RBMS3: variants seen among roughly 807,000 people sequenced by gnomAD.
RBMS3 encodes RNA binding motif single stranded interacting protein 3.
RBMS3 carries 27 observed loss-of-function variants against 66.8 expected under a neutral mutation model. The observed-to-expected ratio is 0.40, with a 90% CI of 0.30 to 0.56. RBMS3 has a LOEUF of 0.56. Among genes scored for constraint, RBMS3 ranks in the 20% least tolerant of loss-of-function variants. The pLI is 0.40. For missense variants in RBMS3, 513 were observed against 549.5 expected (o/e 0.93, Z 0.66); for synonymous variants, 188 against 183.0 (o/e 1.03, Z -0.22).
At chr3:29,688,437 C>T (rs2051829598) in intron 4 of RBMS3, among the ~76,000 whole-genome samples, 1 of 152,084 alleles carries the variant, frequency 6.6e-6, no homozygotes, top group South Asian at 2.1e-4. Flanking sequence ...TTCATACACT[C>T]TCATCATCCA....
At chr3:29,840,788 GT>G (rs921659300) in intron 6 of RBMS3, among the ~76,000 whole-genome samples, 6 of 151,500 alleles carry the variant, frequency 4.0e-5, no homozygotes, top group African/African-American at 9.7e-5. Flanking sequence ...TTGCTTTCAG[GT>G]TTTTTTTCTA....
chr3:29,430,076 G>T (rs2041120712), intron 1 of RBMS3, among the ~76,000 whole-genome samples: 1 of 151,958 alleles, frequency 6.6e-6, no homozygotes, highest in Non-Finnish European at 1.5e-5. Flanking sequence ...GGCATTCCGG[G>T]AACTTTCTGC....
intron 6 of RBMS3, among the ~76,000 whole-genome samples, chr3:29,831,692 T>C (rs1383368805): frequency 1.3e-5 from 2 of 152,110 alleles, no homozygotes; most frequent in Non-Finnish European, 2.9e-5. Context: ...CAGAAATGTT[T>C]GGCAAATCTG....
chr3:29,510,879 A>C (rs1258711510), intron 3 of RBMS3, among the ~76,000 whole-genome samples: 3 of 152,286 alleles, frequency 2.0e-5, no homozygotes, highest in East Asian at 3.9e-4. Flanking sequence ...TTGTGTGCCC[A>C]CTCTGTGCTA....
chr3:29,541,937 A>G (rs1384590047), intron 3 of RBMS3, among the ~76,000 whole-genome samples: 1 of 152,118 alleles, frequency 6.6e-6, no homozygotes, highest in African/African-American at 2.4e-5. Context: ...TTTTCCTCAC[A>G]GTGAGTCCTC....
chr3:29,974,618 T>C (rs1164701894), intron 12 of RBMS3, among the ~76,000 whole-genome samples: 2 of 151,412 alleles, frequency 1.3e-5, no homozygotes. Context: ...CACAAAAGTA[T>C]AAAAAAATCC....
rs76515903 is a variant in RBMS3, at chr3:29,944,083, C to G, written c.1051-124C>G. ...GAGGAATCCTAATGCCTTTACTGCT[C>G]TAAGGCAGGGTGGGTCAGGCAACCA... On this transcript the variant is annotated intron_variant, in intron 11 of 14. Transcript: ENST00000383767. 1,012 of 753,720 alleles carry G rather than the reference C, an allele frequency of 1.3e-3. 12 individuals are homozygous for G. In the African/African-American group the frequency reaches 0.014, roughly 10 times the overall value. 46.7% of individuals were successfully genotyped at this position (753,720 alleles called of 1,614,324 possible).
chr3:29,976,092 G>A lies in RBMS3; in HGVS notation c.1099-12051G>A, dbSNP rs563004096. 6.6e-4 allele frequency among the ~76,000 whole-genome samples: 100 copies of A among 151,844 alleles called. 1 individual carries two copies. Among genetic ancestry groups the A allele is most frequent in the African/African-American group, 2.3e-3 (96 of 41,466 alleles). On this transcript the variant is annotated intron_variant, in intron 12 of 14. Transcript: ENST00000383767. ...GTTTTTGATGATATATATATATGTAGTATTTAATTTTCATTTTAATTTTCT... is the reference window on the plus strand; with the variant it reads ...GTTTTTGATGATATATATATATGTAATATTTAATTTTCATTTTAATTTTCT...
At chr3:29,405,976 T>G (rs1201777020) in intron 1 of RBMS3, among the ~76,000 whole-genome samples, 2 of 152,206 alleles carry the variant, frequency 1.3e-5, no homozygotes, top group Non-Finnish European at 2.9e-5. Context: ...ATTTTTCCCC[T>G]GCTGCATATC....
intron 1 of RBMS3, among the ~76,000 whole-genome samples, chr3:29,370,267 C>A (rs1293240158): frequency 6.6e-6 from 1 of 152,114 alleles, no homozygotes; most frequent in African/African-American, 2.4e-5. Context: ...AGCCTATGAA[C>A]CTGTTTGAGA....
intron 10 of RBMS3, among the ~76,000 whole-genome samples, chr3:29,901,174 G>A (rs1252627378): frequency 1.3e-5 from 2 of 151,632 alleles, no homozygotes; most frequent in Middle Eastern, 3.2e-3. Context: ...AACAAATCCA[G>A]GCTACACTTT....
chr3:29,753,962 C>CTT, intron 5 of RBMS3, among the ~76,000 whole-genome samples: 1 of 145,582 alleles, frequency 6.9e-6, no homozygotes, highest in African/African-American at 2.5e-5. Context: ...TTGAAAAACT[C>CTT]TTTTTTTTTT....
intron 4 of RBMS3, among the ~76,000 whole-genome samples, chr3:29,644,027 G>T (rs1405181196): frequency 6.6e-6 from 1 of 152,168 alleles, no homozygotes; most frequent in Non-Finnish European, 1.5e-5. Flanking sequence ...GCAGTATGCC[G>T]CTTCTACCCC....
At chr3:29,980,007 C>A (rs4680863) in intron 12 of RBMS3, among the ~76,000 whole-genome samples, 26,320 of 152,162 alleles carry the variant, frequency 0.17, 2,680 homozygotes, top group East Asian at 0.34. Context: ...TGAGGAATTG[C>A]CACACTGTCT....
chr3:29,521,807 G>A (rs2148974734), intron 3 of RBMS3, among the ~76,000 whole-genome samples: 1 of 152,278 alleles, frequency 6.6e-6, no homozygotes, highest in East Asian at 1.9e-4. Context: ...GTCAGTAAGT[G>A]GCAGAGCCAT....
chr3:29,734,074 A>C (rs1439397306), intron 4 of RBMS3, among the ~76,000 whole-genome samples: 1 of 152,114 alleles, frequency 6.6e-6, no homozygotes, highest in African/African-American at 2.4e-5. Context: ...AAAGAGAATA[A>C]AATTCTGTCA....
chr3:29,511,148 T>A (rs1446862961), intron 3 of RBMS3, among the ~76,000 whole-genome samples: 3 of 151,484 alleles, frequency 2.0e-5, no homozygotes, highest in African/African-American at 7.3e-5. Context: ...ATACAAAAAA[T>A]TAGTGGGACA....
At chr3:29,866,077 TAAAA>T (rs35591949) in intron 6 of RBMS3, among the ~76,000 whole-genome samples, 2 of 105,578 alleles carry the variant, frequency 1.9e-5, no homozygotes, top group African/African-American at 7.7e-5. Context: ...CACCAAATAC[TAAAA>T]AAAAAAAAAA....
intron 3 of RBMS3, among the ~76,000 whole-genome samples, chr3:29,491,269 A>G (rs2043533026): frequency 6.6e-6 from 1 of 152,186 alleles, no homozygotes; most frequent in South Asian, 2.1e-4. Context: ...CTATTTTGCA[A>G]CAGCTTATTT....
Sources: gnomAD v4.1 joint callset for allele counts (sites outside exome capture counted in the v4.1 genomes callset) on GRCh38, gnomAD v4.1.1 for gene constraint, MANE v1.5 for transcripts, NCBI Gene and HGNC (gene_info 2026-07-23, HGNC 2026-07-21) for gene names.